Variants in IQCH observed in about 807,000 individuals in gnomAD.
IQCH encodes the protein IQ motif containing H.
In IQCH, 98 loss-of-function variants were observed where a neutral mutation model predicts 117.0. The observed-to-expected ratio is 0.84, with a 90% CI of 0.71 to 0.99. IQCH has a LOEUF of 0.99. IQCH is among the 50% of genes least tolerant of loss of function. IQCH has a pLI of 0.00. For missense variants in IQCH, 1,102 were observed against 1,243.8 expected, an observed-to-expected ratio of 0.89 and a Z score of 1.72; for synonymous variants, 412 against 448.2, an observed-to-expected ratio of 0.92 and a Z score of 1.02.
intron 8 of IQCH, among the ~76,000 whole-genome samples, chr15:67,368,711 A>G (rs1970418460): frequency 1.3e-5 from 2 of 152,206 alleles, no homozygotes; most frequent in Non-Finnish European, 2.9e-5. Context: ...TCCATGTGGT[A>G]TTATCCCAAA....
intron 3 of IQCH, among the ~76,000 whole-genome samples, chr15:67,270,691 CATGA>C (rs1167855336): frequency 6.6e-6 from 1 of 152,140 alleles, no homozygotes; most frequent in Non-Finnish European, 1.5e-5. Flanking sequence ...TACCTTCTAC[CATGA>C]ATGGAAGTAG....
At chr15:67,298,456 A>T (rs1389704677) in intron 4 of IQCH, among the ~76,000 whole-genome samples, 1 of 152,212 alleles carries the variant, frequency 6.6e-6, no homozygotes, top group Non-Finnish European at 1.5e-5. Context: ...TTTTATCTAA[A>T]GACAGGCAAT....
At chr15:67,409,727 T>C (rs377607652) in intron 14 of IQCH, among the ~76,000 whole-genome samples, 4 of 152,244 alleles carry the variant, frequency 2.6e-5, no homozygotes, top group East Asian at 3.8e-4. Context: ...GAAAATTGTC[T>C]TTGCCGCTTT....
intron 20 of IQCH, among the ~76,000 whole-genome samples, chr15:67,497,024 CAAAAAAAAAAAA>C (rs753821092): frequency 2.8e-5 from 1 of 35,834 alleles, no homozygotes; most frequent in African/African-American, 1.0e-4. Flanking sequence ...GACTCCGTCT[CAAAAAAAAAAAA>C]AAAAAAAAAA....
intron 5 of IQCH, among the ~76,000 whole-genome samples, chr15:67,339,491 A>G (rs1969044831): frequency 6.6e-6 from 1 of 152,224 alleles, no homozygotes; most frequent in Non-Finnish European, 1.5e-5. Context: ...CCCCTTCACC[A>G]GACAGAATTT....
At chr15:67,429,197 CTTT>C (rs926928620) in intron 16 of IQCH, among the ~76,000 whole-genome samples, 15 of 152,264 alleles carry the variant, frequency 9.9e-5, no homozygotes, top group African/African-American at 3.6e-4. Flanking sequence ...CTATTTTGTT[CTTT>C]GTGTTTTCTG....
chr15:67,488,389 C>T (rs2083552521), intron 18 of IQCH, among the ~76,000 whole-genome samples: 1 of 152,138 alleles, frequency 6.6e-6, no homozygotes. Flanking sequence ...AATCCCAAAA[C>T]AGACATCTTT....
rs893170707 is a variant in IQCH, at chr15:67,493,843, G to A, written c.2862-415G>A. 3.3e-5 allele frequency among the ~76,000 whole-genome samples: 5 copies of A among 152,078 alleles called. No homozygotes were observed. The highest frequency in any genetic ancestry group is 1.2e-4 in the African/African-American group (5 of 41,386). On this transcript the variant is annotated intron_variant, in intron 19 of 20. Coordinates refer to ENST00000335894, the MANE Select transcript of IQCH (RefSeq NM_001031715.3). This position sits in a 1 kb window ranked among gnomAD's most constrained non-coding sequence, Gnocchi z 5.1. ...CCCACGACAGGCCCCGGTGTGTGATGTTCCCTACCCTGTGTCCAAGTGTTC... is the reference window on the plus strand; with the variant it reads ...CCCACGACAGGCCCCGGTGTGTGATATTCCCTACCCTGTGTCCAAGTGTTC...
rs1328715350 is a variant in IQCH at position 67,381,149 on chromosome 15, A to C, written c.1373-3787A>C. Among the ~76,000 whole-genome samples, 1 of 152,210 alleles carries C rather than the reference A, an allele frequency of 6.6e-6. No homozygotes were observed. The highest frequency in any genetic ancestry group is 1.5e-5 in the Non-Finnish European group (1 of 68,026). ...TTCTTGGGTTTCTGTGGTTACTGTG[A>C]AAGAAAAGCCAATCCTAGCAGAGCT... On this transcript the variant is annotated intron_variant, in intron 10 of 20. Coordinates refer to ENST00000335894, the MANE Select transcript of IQCH (RefSeq NM_001031715.3). The surrounding 1 kb of genome is among the most constrained non-coding windows in gnomAD (Gnocchi z 5.1).
chr15:67,423,627 G>A (rs1392815959), intron 16 of IQCH, among the ~76,000 whole-genome samples: 2 of 151,298 alleles, frequency 1.3e-5, no homozygotes, highest in Non-Finnish European at 2.9e-5. Context: ...AAAAGGCTGG[G>A]CACGGTAGCT....
chr15:67,460,279 C>T (rs1039204009), intron 16 of IQCH, among the ~76,000 whole-genome samples: 4 of 152,142 alleles, frequency 2.6e-5, no homozygotes. Flanking sequence ...AGTCTATATA[C>T]AGTTGCAGTT....
At chr15:67,302,737 A>T (rs1409534960) in intron 4 of IQCH, among the ~76,000 whole-genome samples, 1 of 152,116 alleles carries the variant, frequency 6.6e-6, no homozygotes, top group Non-Finnish European at 1.5e-5. Context: ...CACACCTGTA[A>T]TCCCAGCTAC....
At chr15:67,304,601 C>G in intron 4 of IQCH, 1 of 464,562 alleles carries the variant, frequency 2.2e-6, no homozygotes, top group East Asian at 3.4e-5. Flanking sequence ...GGCTCTCATT[C>G]TGTTTATAAT....
At position 67,453,810 on chromosome 15, in the gene IQCH, C is replaced by T. The variant is rs753038878; in HGVS notation, c.2506-11317C>T. 5.7e-4 allele frequency among the ~76,000 whole-genome samples: 87 copies of T among 152,250 alleles called. No homozygotes were observed. Among genetic ancestry groups the T allele is most frequent in the Non-Finnish European group, 1.0e-3 (69 of 68,044 alleles). ...TGCTGTCTTTTTGTTTGTCTGTGCC[C>T]TGCCCCCAGAGGTGGCGCCTACAGA... On this transcript the variant is annotated intron_variant, in intron 16 of 20. Transcript: ENST00000335894. This position sits in a 1 kb window ranked among gnomAD's most constrained non-coding sequence, Gnocchi z 5.8.
Position 67,500,728 on chromosome 15 carries a change from C to G in IQCH, c.3066C>G (p.Leu1022=), listed in dbSNP as rs1352327851. 6.3e-7 allele frequency: 1 copy of G among 1,581,500 alleles called. No individual in the cohort carries two copies. Among genetic ancestry groups the G allele is most frequent in the Non-Finnish European group, 8.7e-7 (1 of 1,155,866 alleles). The part of the protein sequence containing the change: ...EEQQSKDDKN[L]SKPKK ...AACAGTCCAAAGATGATAAAAACCT[C>G]TCTAAACCCAAGAAATGATCCTGGA... Residue 1022 remains leucine, a synonymous_variant, in exon 21 of 21, where the codon CTC becomes CTG. Transcript: ENST00000335894. The surrounding 1 kb of genome is among the most constrained non-coding windows in gnomAD (Gnocchi z 4.4).
chr15:67,290,122 G>A (rs1047884991), intron 4 of IQCH, among the ~76,000 whole-genome samples: 2 of 152,004 alleles, frequency 1.3e-5, no homozygotes, highest in African/African-American at 2.4e-5. Context: ...TTTGGTCCAC[G>A]TCATAATTTC....
At chr15:67,402,067 T>C (rs1971682730) in intron 14 of IQCH, among the ~76,000 whole-genome samples, 1 of 152,228 alleles carries the variant, frequency 6.6e-6, no homozygotes. Context: ...ATATTTAAAA[T>C]ACTGACATTT....
Position 67,371,512 on chromosome 15 carries a change from G to T in IQCH, c.754-599G>T. ...TTAAGAATAAAAGAACACGTGTCAA[G>T]AGAAACCTAAGAATGACAAAGGTGA... On this transcript the variant is annotated intron_variant, in intron 8 of 20. Coordinates refer to ENST00000335894, the MANE Select transcript of IQCH (RefSeq NM_001031715.3). 3 of 1,590,176 alleles carry T rather than the reference G, an allele frequency of 1.9e-6. No homozygotes were observed. In the South Asian group the frequency reaches 3.4e-5, roughly 18 times the overall value.
In IQCH at chr15:67,496,666, A is replaced by G. The variant is rs144064340; in HGVS notation, c.2970+2300A>G. ...TTGAGACCAGCCTGGGCAACATAGC[A>G]AGACCTCATCTCTACTAAGAAGAAG... On this transcript the variant is annotated intron_variant, in intron 20 of 20. Coordinates refer to ENST00000335894, the MANE Select transcript of IQCH (RefSeq NM_001031715.3). The surrounding 1 kb of genome is among the most constrained non-coding windows in gnomAD (Gnocchi z 4.4). Among the ~76,000 whole-genome samples, 286 of 152,100 alleles carry G rather than the reference A, an allele frequency of 1.9e-3. 2 individuals carry two copies. The highest frequency in any genetic ancestry group is 6.5e-3 in the African/African-American group (270 of 41,508).
Sources: gnomAD v4.1 joint callset for allele counts (sites outside exome capture counted in the v4.1 genomes callset) on GRCh38, gnomAD v4.1.1 for gene constraint, Gnocchi (gnomAD v3.1) non-coding constraint, MANE v1.5 for transcripts, NCBI Gene and HGNC (gene_info 2026-07-23, HGNC 2026-07-21) for gene names.